The following CDH18 variants were observed in gnomAD, a reference collection of about 807,000 sequenced individuals.
CDH18 encodes the protein cadherin 18, also known as cadherin-18.
A neutral mutation model predicts 67.9 loss-of-function variants in CDH18; 31 were observed. The observed-to-expected ratio is 0.46, with a 90% confidence interval of 0.34 to 0.62. The LOEUF (loss-of-function observed/expected upper bound fraction) is 0.62, where lower values mean the gene tolerates loss of function less well. Among genes scored for constraint, CDH18 ranks in the 20% least tolerant of loss-of-function variants. CDH18 has a pLI of 0.01. For synonymous variants in CDH18, 362 were observed against 347.2 expected (o/e 1.04, Z -0.48); for missense variants, 890 against 975.5 (o/e 0.91, Z 1.17).
chr5:19,755,591 G>GAT (rs1047821054), intron 3 of CDH18, among the ~76,000 whole-genome samples: 8 of 142,910 alleles, frequency 5.6e-5, no homozygotes, highest in African/African-American at 1.8e-4. Context: ...TATAATATAA[G>GAT]ATATATATAA....
chr5:20,512,785 G>A (rs1360220627), intron 1 of CDH18, among the ~76,000 whole-genome samples: 6 of 151,666 alleles, frequency 4.0e-5, no homozygotes, highest in Non-Finnish European at 8.8e-5. Context: ...CTGGGAGGCT[G>A]AGGCAGGAGA....
intron 2 of CDH18, among the ~76,000 whole-genome samples, chr5:20,154,960 T>A (rs1291238771): frequency 1.3e-5 from 2 of 152,300 alleles, no homozygotes; most frequent in Admixed American, 1.3e-4. Context: ...ACAATATTTC[T>A]CATCCAATAT....
chr5:20,015,038 T>C lies in CDH18; in HGVS notation c.-517-23024A>G, dbSNP rs116578366. Among the ~76,000 whole-genome samples, 674 of 152,190 alleles carry C rather than the reference T, an allele frequency of 4.4e-3. 3 individuals are homozygous for C. Among genetic ancestry groups the C allele is most frequent in the African/African-American group, 0.015 (636 of 41,552 alleles). ...AAGGACATATACTAGGTCAAAATAG[T>C]TAACAGAAAAAAGCACAGACTCTTG... On this transcript the variant is annotated intron_variant, in intron 2 of 14. Transcript: ENST00000507958.
chr5:19,791,371 A>ACACACG lies in CDH18; in HGVS notation c.229-44136_229-44135insCGTGTG, dbSNP rs1554034937. 2.0e-5 allele frequency among the ~76,000 whole-genome samples: 3 copies of ACACACG among 151,808 alleles called. No homozygotes were observed. The South Asian group carries it at 6.3e-4, about 32-fold the overall frequency. ...TCGACTTTTAAACACACACACACACACACACACACACACACACACATCTGT... is the reference window on the plus strand; with the variant it reads ...TCGACTTTTAAACACACACACACACACACACGCACACACACACACACACACATCTGT... On this transcript the variant is annotated intron_variant, in intron 3 of 12. Coordinates refer to ENST00000382275, the MANE Select transcript of CDH18 (RefSeq NM_004934.5).
chr5:19,655,964 G>GATACTTTT (rs1402138315), intron 5 of CDH18, among the ~76,000 whole-genome samples: 1 of 145,924 alleles, frequency 6.9e-6, no homozygotes, highest in Non-Finnish European at 1.5e-5. Context: ...CGAGAGAAGA[G>GATACTTTT]ATACTTTTAG....
chr5:19,755,572 T>C (rs1341514263), intron 3 of CDH18, among the ~76,000 whole-genome samples: 6 of 144,712 alleles, frequency 4.1e-5, no homozygotes, highest in African/African-American at 1.5e-4. Flanking sequence ...TAATAAAATA[T>C]AGGATATATA....
chr5:20,409,712 T>C (rs1420012564), intron 1 of CDH18, among the ~76,000 whole-genome samples: 2 of 150,814 alleles, frequency 1.3e-5, no homozygotes, highest in Non-Finnish European at 3.0e-5. Context: ...ACATCAAAAC[T>C]GAGTTAATAT....
chr5:20,525,134 A>C (rs1755970331), intron 1 of CDH18, among the ~76,000 whole-genome samples: 2 of 152,046 alleles, frequency 1.3e-5, no homozygotes, highest in African/African-American at 4.8e-5. Flanking sequence ...TGTAGCTTTA[A>C]CTCTGCAGTT....
intron 2 of CDH18, among the ~76,000 whole-genome samples, chr5:19,912,596 T>C (rs1791277062): frequency 6.6e-6 from 1 of 152,102 alleles, no homozygotes; most frequent in African/African-American, 2.4e-5. Flanking sequence ...AGAAGAAGAG[T>C]TTATTTATTT....
chr5:19,957,652 GTAT>G (rs1579797465), intron 2 of CDH18, among the ~76,000 whole-genome samples: 1 of 151,858 alleles, frequency 6.6e-6, no homozygotes, highest in East Asian at 1.9e-4. Flanking sequence ...CAATAATCTA[GTAT>G]TTGGTTTTGA....
intron 1 of CDH18, among the ~76,000 whole-genome samples, chr5:20,383,821 C>A (rs948984971): frequency 2.6e-5 from 4 of 151,958 alleles, no homozygotes; most frequent in Non-Finnish European, 4.4e-5. Context: ...TGTATAACTA[C>A]TGTACAGAAA....
chr5:20,198,285 T>C (rs2126741939), intron 2 of CDH18, among the ~76,000 whole-genome samples: 1 of 152,230 alleles, frequency 6.6e-6, no homozygotes, highest in Non-Finnish European at 1.5e-5. Context: ...AGTTTGGAAC[T>C]TCTTAGAGAC....
At chr5:20,242,749 T>G (rs1294631568) in intron 2 of CDH18, among the ~76,000 whole-genome samples, 1 of 150,728 alleles carries the variant, frequency 6.6e-6, no homozygotes, top group East Asian at 1.9e-4. Context: ...TAAAACCATT[T>G]TTTAATTAGA....
chr5:19,718,637 C>A (rs1487541523), intron 5 of CDH18, among the ~76,000 whole-genome samples: 1 of 151,860 alleles, frequency 6.6e-6, no homozygotes, highest in Non-Finnish European at 1.5e-5. Context: ...CTCTAAGATA[C>A]TTGCATATTT....
chr5:19,515,705 C>G (rs149810542), intron 10 of CDH18, among the ~76,000 whole-genome samples: 2,074 of 152,066 alleles, frequency 0.014, 24 homozygotes, highest in South Asian at 0.031. Flanking sequence ...GATTTTGTAT[C>G]CTGAGACTTG....
chr5:19,680,591 C>A (rs1176618915), intron 5 of CDH18, among the ~76,000 whole-genome samples: 2 of 151,738 alleles, frequency 1.3e-5, no homozygotes, highest in African/African-American at 4.8e-5. Flanking sequence ...AACCCTATTA[C>A]AAAGAGGGCA....
chr5:20,490,298 G>A (rs1022383432), intron 1 of CDH18, among the ~76,000 whole-genome samples: 3 of 151,976 alleles, frequency 2.0e-5, no homozygotes, highest in Admixed American at 2.0e-4. Flanking sequence ...TAGTGGCAGT[G>A]AATTTTATCC....
chr5:20,283,435 C>CA (rs1254931117), intron 1 of CDH18, among the ~76,000 whole-genome samples: 6 of 151,308 alleles, frequency 4.0e-5, no homozygotes, highest in African/African-American at 1.5e-4. Context: ...AATCAATGGG[C>CA]AAAAAATCTG....
At chr5:19,506,975 G>A (rs1053636720) in intron 10 of CDH18, among the ~76,000 whole-genome samples, 4 of 152,154 alleles carry the variant, frequency 2.6e-5, no homozygotes, top group African/African-American at 9.7e-5. Flanking sequence ...GCAACCTACA[G>A]AATGGGAGAA....
Sources: allele counts gnomAD v4.1 joint callset (sites outside exome capture counted in the v4.1 genomes callset), GRCh38; gene constraint gnomAD v4.1.1; transcripts MANE v1.5; gene names NCBI Gene and HGNC (gene_info 2026-07-23, HGNC 2026-07-21).